Variants in DIS3 observed in about 807,000 individuals in gnomAD.
The protein encoded by DIS3 is exosome complex exonuclease RRP44.
A neutral mutation model predicts 113.0 loss-of-function variants in DIS3; 103 were observed. The observed-to-expected ratio is 0.91, with a 90% CI of 0.78 to 1.07. The LOEUF (loss-of-function observed/expected upper bound fraction) is 1.07, where lower values mean the gene tolerates loss of function less well. Ranked by LOEUF, DIS3 falls within the 50% of genes least tolerant of loss-of-function variation. The pLI is 0.00. For missense variants in DIS3, 1,121 were observed against 1,167.1 expected, an observed-to-expected ratio of 0.96 and a Z score of 0.58; for synonymous variants, 402 against 394.3, an observed-to-expected ratio of 1.02 and a Z score of -0.23.
Position 72,772,263 on chromosome 13 carries a change from G to A in DIS3, c.1399C>T (p.Arg467Ter), listed in dbSNP as rs143362001. Residue 467 changes from arginine to a stop codon, truncating the protein, a stop_gained, in exon 10 of 21, where the codon CGA becomes TGA. Transcript: ENST00000377767. LOFTEE classifies it high-confidence loss of function. ...WSITEKDMKN[R>*]EDLRHLCICS... is the part of the protein sequence containing the mutation. ...ATACACAGATGCCTCAGGTCTTCTC[G>A]GTTTTTCATGTCCTAGAAGACATGA... The A allele has an allele frequency of 4.3e-6, 7 of 1,610,400 alleles. No homozygotes were observed. Among genetic ancestry groups the A allele is most frequent in the East Asian group, 2.2e-5 (1 of 44,804 alleles).
Position 72,772,361 on chromosome 13 carries a change from G to A in DIS3, c.1387-86C>T. ...ATAGCTCTTGTGAAATCAGTAATAT[G>A]TATACAAAAACAATTTAGCTGTATT... On this transcript the variant is annotated intron_variant, in intron 9 of 20. Coordinates refer to ENST00000377767, the MANE Select transcript of DIS3 (RefSeq NM_014953.5). 3 of 1,051,838 alleles carry A rather than the reference G, an allele frequency of 2.9e-6. No homozygotes were observed. In the South Asian group the frequency reaches 4.5e-5, roughly 16 times the overall value. The allele number at this position is 1,051,838 out of a possible 1,614,324, so 65.2% of individuals were successfully genotyped here.
chr13:72,781,474 G>T, intron 1 of DIS3, 131 bp downstream of exon 1: 1 of 1,434,198 alleles, frequency 7.0e-7, no homozygotes. Flanking sequence ...GGAAGCTTCG[G>T]TCCCGAGGGG....
intron 8 of DIS3, among the ~76,000 whole-genome samples, chr13:72,773,183 A>C (rs1380809468): frequency 6.6e-6 from 1 of 152,220 alleles, no homozygotes; most frequent in Non-Finnish European, 1.5e-5. Context: ...AAAAACTTAC[A>C]TAAAAGAGGC....
chr13:72,780,808 C>T (rs201756345), intron 2 of DIS3, 38 bp downstream of exon 2: 6 of 1,557,414 alleles, frequency 3.9e-6, no homozygotes, highest in South Asian at 2.4e-5. Flanking sequence ...TTTGCTAATC[C>T]TGTGGTTTTC....
At position 72,775,158 on chromosome 13, in the gene DIS3, T is replaced by A. The variant is rs893153097; in HGVS notation, c.987+53A>T. 17 of 1,492,336 alleles carry A rather than the reference T, an allele frequency of 1.1e-5. No homozygotes were observed. In the African/African-American group the frequency reaches 2.4e-4, roughly 21 times the overall value. 92.4% of individuals were successfully genotyped at this position (1,492,336 alleles called of 1,614,324 possible). A position where few individuals can be genotyped will look rare whatever the true frequency, so the allele number is the denominator to read the frequency against. On this transcript the variant is annotated intron_variant, in intron 6 of 20. Transcript: ENST00000377767. ...TGAAACTTGTTTTCCAAAGCTGACA[T>A]ATTAATAATACAAAGCTACACAGAC...
chr13:72,763,288 G>A (rs542298344), intron 16 of DIS3, among the ~76,000 whole-genome samples, 163 bp downstream of exon 16: 11 of 152,036 alleles, frequency 7.2e-5, no homozygotes, highest in African/African-American at 2.7e-4. Context: ...CTGGGTGACA[G>A]TGAGACCCTG....
intron 14 of DIS3, among the ~76,000 whole-genome samples, chr13:72,767,403 A>G (rs1440699711): frequency 6.6e-6 from 1 of 152,184 alleles, no homozygotes; most frequent in African/African-American, 2.4e-5. Flanking sequence ...GTTTTGTGTC[A>G]CACAAAAAAA....
chr13:72,781,675 T>C lies in DIS3; in HGVS notation c.158A>G (p.Gln53Arg), dbSNP rs2034235899. 2.6e-6 allele frequency: 4 copies of C among 1,551,820 alleles called. No homozygotes were observed. Among genetic ancestry groups the C allele is most frequent in the Admixed American group, 1.9e-5 (1 of 51,454 alleles). The change falls in exon 1 of 21, where the codon CAG becomes CGG. Residue 53 changes from glutamine to arginine, a missense_variant. Coordinates refer to ENST00000377767, the MANE Select transcript of DIS3 (RefSeq NM_014953.5). ...CGGGCAGACGCTGCTCGCCGGGTCC[T>C]GGGGCTGCGGCTCCAGGGCCGGCCC... ...HEGPALEPQP[Q>R]DPASSVCPQP...
At chr13:72,779,654 G>C (rs764355288) in intron 2 of DIS3, among the ~76,000 whole-genome samples, 2 of 151,414 alleles carry the variant, frequency 1.3e-5, no homozygotes, top group Non-Finnish European at 2.9e-5. Context: ...TGCATAATCT[G>C]ATGGAATTTC....
chr13:72,772,562 T>C, intron 9 of DIS3, 131 bp downstream of exon 9: 2 of 1,008,772 alleles, frequency 2.0e-6, no homozygotes, highest in South Asian at 3.8e-5. Flanking sequence ...TTCCTAAGAA[T>C]GCTATACCCA....
At chr13:72,776,997 G>A (rs528616912) in intron 4 of DIS3, among the ~76,000 whole-genome samples, 2 of 152,190 alleles carry the variant, frequency 1.3e-5, no homozygotes, top group African/African-American at 4.8e-5. Context: ...AGCCCTTCAG[G>A]GAGATCTTTA....
Position 72,772,831 on chromosome 13 carries a change from A to C in DIS3, c.1248T>G (p.Phe416Leu), listed in dbSNP as rs771366767. The change falls in exon 9 of 21, where the codon TTT becomes TTG. Residue 416 changes from phenylalanine (F) to leucine (L), a missense_variant. Transcript: ENST00000377767. ...CTCCAACATCACCTAAATTTCTCACAAAGTGTCCCTGAAACCAAGAGGCAT... is the reference window on the plus strand; with the variant it reads ...CTCCAACATCACCTAAATTTCTCACCAAGTGTCCCTGAAACCAAGAGGCAT... ...PRNSRYPNGH[F>L]VRNLGDVGEK... 6.2e-7 allele frequency: 1 copy of C among 1,601,076 alleles called. No homozygotes were observed. The highest frequency in any genetic ancestry group is 8.5e-7 in the Non-Finnish European group (1 of 1,175,992).
At chr13:72,761,031 A>G (rs968926052) in intron 19 of DIS3, among the ~76,000 whole-genome samples, 11 of 152,136 alleles carry the variant, frequency 7.2e-5, no homozygotes, top group African/African-American at 2.7e-4. Flanking sequence ...GTGTCAAATA[A>G]GAAACACTAG....
chr13:72,761,078 T>C (rs1350133143), intron 19 of DIS3, among the ~76,000 whole-genome samples: 1 of 152,078 alleles, frequency 6.6e-6, no homozygotes, highest in Admixed American at 6.5e-5. Context: ...CCCCGAGTTA[T>C]AAAGAGTCAT....
In DIS3 at chr13:72,759,155, A is replaced by G. The variant is rs2033564439; in HGVS notation, c.*640T>C. 1 of 186,932 alleles carries G rather than the reference A, an allele frequency of 5.3e-6. No individual in the cohort carries two copies. 11.6% of individuals were successfully genotyped at this position (186,932 alleles called of 1,614,324 possible). On this transcript the variant is annotated 3_prime_UTR_variant, in exon 21 of 21. Coordinates refer to ENST00000377767, the MANE Select transcript of DIS3 (RefSeq NM_014953.5). ...GGAGCTGAAGTTCAACAATGATCAC[A>G]CTTATTACCTGGCAATAAAAACACA...
At chr13:72,774,171 A>G in intron 6 of DIS3, 112 bp from the exon 7 acceptor site, 2 of 633,310 alleles carry the variant, frequency 3.2e-6, no homozygotes, top group East Asian at 2.8e-5. Flanking sequence ...GCAGTAAATT[A>G]TGACATAAGA....
intron 14 of DIS3, among the ~76,000 whole-genome samples, chr13:72,767,222 G>T (rs1225502843): frequency 6.6e-6 from 1 of 151,870 alleles, no homozygotes; most frequent in African/African-American, 2.4e-5. Context: ...TGTTTTCCCA[G>T]GAGGCAACCA....
Position 72,753,778 on chromosome 13 carries a change from A to G in DIS3, c.*6017T>C, listed in dbSNP as rs571577612. ...AGTTACTGCAAAGAAAGTGATGCAC[A>G]AACATGTGAAGTTGAGAGTAAATCT... is the stretch of plus-strand genomic sequence containing the variant. On this transcript the variant is annotated 3_prime_UTR_variant, in exon 21 of 21. Coordinates refer to ENST00000377767, the MANE Select transcript of DIS3 (RefSeq NM_014953.5). The G allele has an allele frequency of 1.9e-6, 3 of 1,613,540 alleles. No homozygotes were observed. The highest frequency in any genetic ancestry group is 1.7e-6 in the Non-Finnish European group (2 of 1,179,580).
In DIS3 at chr13:72,763,556, A is replaced by C. The variant is rs772034766; in HGVS notation, c.2022T>G (p.Val674=). The change falls in exon 16 of 21, where the codon GTT becomes GTG. Residue 674 remains valine, a synonymous_variant. Transcript: ENST00000377767. ...EEFMLLANIS[V]AKKIHEEFSE... is the part of the protein sequence containing the mutation. ...AAAATTCCTCATGAATTTTTTTTGC[A>C]ACAGAAATATTGGCAAGTAACATAA... is the stretch of plus-strand genomic sequence containing the variant. 2 of 1,613,692 alleles carry C rather than the reference A, an allele frequency of 1.2e-6. No homozygotes were observed. The highest frequency in any genetic ancestry group is 1.7e-6 in the Non-Finnish European group (2 of 1,179,934).
Sources: gnomAD v4.1 joint callset for allele counts (sites outside exome capture counted in the v4.1 genomes callset) on GRCh38, gnomAD v4.1.1 for gene constraint, MANE v1.5 for transcripts, NCBI Gene and HGNC (gene_info 2026-07-23, HGNC 2026-07-21) for gene names.